The following ERCC6 variants were observed in gnomAD, a reference collection of about 807,000 sequenced individuals.
ERCC6 encodes ERCC excision repair 6, chromatin remodeling factor.
In ERCC6, 116 loss-of-function variants were observed where a neutral mutation model predicts 158.7. The ratio of observed to expected loss-of-function variants is 0.73; its 90% CI spans 0.63 to 0.85. The LOEUF is 0.85. ERCC6 is among the 40% of genes least tolerant of loss of function. The probability of loss-of-function intolerance (pLI) is 0.00; values close to 1 mark genes in which losing one functional copy is unlikely to be tolerated. For missense variants in ERCC6, 1,698 were observed against 1,799.4 expected, an observed-to-expected ratio of 0.94 and a Z score of 1.02; for synonymous variants, 678 against 659.3, an observed-to-expected ratio of 1.03 and a Z score of -0.43.
intron 5 of ERCC6, chr10:49,515,922 G>A: frequency 1.2e-6 from 2 of 1,614,138 alleles, no homozygotes; most frequent in Non-Finnish European, 1.7e-6. Context: ...ATAATCAAAT[G>A]TGCCTCTTTC....
rs1837448404 is a variant in ERCC6 at position 49,530,704 on chromosome 10, T to C, written c.543+16A>G. The C allele has an allele frequency of 3.1e-6, 5 of 1,612,168 alleles. No homozygotes were observed. Among genetic ancestry groups the C allele is most frequent in the Non-Finnish European group, 4.2e-6 (5 of 1,179,332 alleles). ...ACTTTTTCAAAAATGCAATACTGAA[T>C]GTTATTCTGAATCACCTTATTATAC... On this transcript the variant is annotated intron_variant, in intron 3 of 20. Transcript: ENST00000355832.
rs372041999 is a variant in ERCC6 at position 49,470,962 on chromosome 10, T to G, written c.3070+13A>C. 2.0e-5 allele frequency: 32 copies of G among 1,613,940 alleles called. No homozygotes were observed. In the African/African-American group the frequency reaches 3.5e-4, roughly 17 times the overall value. Reference sequence around the variant, plus strand: ...CAATTGATTACTTTAAATTAAATGATTTTATGTAATACCTGCAAAAATTGC... The same window carrying G: ...CAATTGATTACTTTAAATTAAATGAGTTTATGTAATACCTGCAAAAATTGC... On this transcript the variant is annotated intron_variant, in intron 17 of 20. Coordinates refer to ENST00000355832, the MANE Select transcript of ERCC6 (RefSeq NM_000124.4).
chr10:49,477,984 C>T (rs1850908465), intron 11 of ERCC6, among the ~76,000 whole-genome samples: 1 of 152,198 alleles, frequency 6.6e-6, no homozygotes, highest in Non-Finnish European at 1.5e-5. Flanking sequence ...GACACTCTCC[C>T]TCAAGAATAA....
the ERCC6 span, among the ~76,000 whole-genome samples, chr10:49,442,511 G>T: frequency 7.2e-5 from 11 of 152,232 alleles, no homozygotes; most frequent in African/African-American, 2.7e-4. Flanking sequence ...ATTCTTGACA[G>T]CCACGATGCT....
At chr10:49,515,873 A>G (rs1836942467) in intron 5 of ERCC6, 1 of 1,614,204 alleles carries the variant, frequency 6.2e-7, no homozygotes, top group Non-Finnish European at 8.5e-7. Flanking sequence ...CACTGTTATC[A>G]TTCCATCTGC....
intron 5 of ERCC6, among the ~76,000 whole-genome samples, chr10:49,520,742 A>C (rs1837134525): frequency 6.6e-6 from 1 of 152,188 alleles, no homozygotes; most frequent in African/African-American, 2.4e-5. Flanking sequence ...CCCAGAAATC[A>C]GAGCTGGCTG....
Position 49,532,858 on chromosome 10 carries a change from C to T in ERCC6, c.107G>A (p.Gly36Asp), listed in dbSNP as rs760171089. Residue 36 changes from glycine (G) to aspartate (D), a missense_variant, in exon 2 of 21, where the codon GGT becomes GAT. Coordinates refer to ENST00000355832, the MANE Select transcript of ERCC6 (RefSeq NM_000124.4). ...NEEMAIKQES[G>D]GDGEVEEYLS... is the part of the protein sequence containing the mutation. Reference sequence around the variant, plus strand: ...GTACTCCTCCACCTCCCCATCACCACCACTTTCTTGCTTGATTGCCATTTC... The same window carrying T: ...GTACTCCTCCACCTCCCCATCACCATCACTTTCTTGCTTGATTGCCATTTC... The T allele has an allele frequency of 9.3e-6, 15 of 1,614,116 alleles. No homozygotes were observed. The African/African-American group carries it at 2.0e-4, about 22-fold the overall frequency.
intron 5 of ERCC6, chr10:49,516,595 C>T (rs753781937): frequency 6.2e-7 from 1 of 1,614,032 alleles, no homozygotes. Context: ...CTAGTCAAGC[C>T]AAGATGTACA....
chr10:49,472,742 T>C (rs2132539931), intron 15 of ERCC6, 167 bp downstream of exon 15: 1 of 836,044 alleles, frequency 1.2e-6, no homozygotes, highest in Non-Finnish European at 1.9e-6. Context: ...ATGGTTCCTG[T>C]CCATTTGACT....
chr10:49,488,726 G>C (rs1439329016), intron 8 of ERCC6, among the ~76,000 whole-genome samples: 2 of 151,252 alleles, frequency 1.3e-5, no homozygotes, highest in African/African-American at 4.9e-5. Flanking sequence ...TCAGAAAACA[G>C]GCCCTTTTAA....
chr10:49,478,587 A>G, intron 10 of ERCC6, 117 bp from the exon 11 acceptor site: 1 of 755,352 alleles, frequency 1.3e-6, no homozygotes, highest in Non-Finnish European at 2.4e-6. Flanking sequence ...ACAGCTGTAT[A>G]AAGTCAGTGG....
In ERCC6 at chr10:49,458,193, T is replaced by G. The variant is rs927160051; in HGVS notation, c.*622A>C. On this transcript the variant is annotated 3_prime_UTR_variant, in exon 21 of 21. Transcript: ENST00000355832. ...TACCCTACAGCTTTCCACAAATACA[T>G]GTCTTATCATTTATTACCATACTAT... 3.9e-5 allele frequency: 6 copies of G among 153,178 alleles called. No homozygotes were observed. Among genetic ancestry groups the G allele is most frequent in the African/African-American group, 1.4e-4 (6 of 41,424 alleles). 9.5% of individuals were successfully genotyped at this position (153,178 alleles called of 1,614,324 possible).
chr10:49,537,136 A>C (rs993616080), intron 1 of ERCC6, among the ~76,000 whole-genome samples: 13 of 152,052 alleles, frequency 8.5e-5, no homozygotes, highest in African/African-American at 2.9e-4. Context: ...ACGAGGTCAG[A>C]AGTTCGAGAC....
intron 6 of ERCC6, chr10:49,504,769 T>G (rs1851415591): frequency 6.6e-6 from 1 of 152,124 alleles, no homozygotes; most frequent in African/African-American, 2.4e-5. Flanking sequence ...CAGATTCAGA[T>G]TTCAACTTCT....
chr10:49,438,346 G>A, the ERCC6 span, among the ~76,000 whole-genome samples: 2 of 152,194 alleles, frequency 1.3e-5, no homozygotes, highest in Non-Finnish European at 2.9e-5. Context: ...GAGGCAAAAG[G>A]CACTTCTTAC....
At chr10:49,493,550 A>T (rs189913019) in intron 7 of ERCC6, among the ~76,000 whole-genome samples, 58 of 152,348 alleles carry the variant, frequency 3.8e-4, no homozygotes, top group African/African-American at 1.2e-3. Context: ...ATTATTTAAC[A>T]AAAATACTCT....
chr10:49,500,309 G>A (rs1015906348), intron 7 of ERCC6, among the ~76,000 whole-genome samples: 5 of 152,090 alleles, frequency 3.3e-5, no homozygotes, highest in African/African-American at 1.2e-4. Context: ...TCTGCAAAAT[G>A]AAGCATCAAT....
At chr10:49,515,088 A>G (rs1286894579) in intron 5 of ERCC6, 7 of 772,104 alleles carry the variant, frequency 9.1e-6, no homozygotes, top group Non-Finnish European at 1.2e-5. Flanking sequence ...AAAGAAGGCA[A>G]TGTGCTCTCT....
chr10:49,515,818 G>A (rs1419524279), intron 5 of ERCC6: 1 of 1,614,144 alleles, frequency 6.2e-7, no homozygotes, highest in South Asian at 1.1e-5. Flanking sequence ...CGACTGACAA[G>A]ACACAGGGGA....
Sources: gnomAD v4.1 joint callset for allele counts (sites outside exome capture counted in the v4.1 genomes callset) on GRCh38, gnomAD v4.1.1 for gene constraint, MANE v1.5 for transcripts, NCBI Gene and HGNC (gene_info 2026-07-23, HGNC 2026-07-21) for gene names.